The following FHIT variants were observed in gnomAD, a reference collection of about 807,000 sequenced individuals.
FHIT encodes fragile histidine triad diadenosine triphosphatase, also known as bis(5'-adenosyl)-triphosphatase.
A neutral mutation model predicts 17.9 loss-of-function variants in FHIT; 19 were observed. The ratio of observed to expected loss-of-function variants is 1.06; its 90% confidence interval spans 0.74 to 1.56. The LOEUF is 1.56. Ranked by LOEUF, FHIT falls within the 40% of genes most tolerant of loss-of-function variation. The pLI, the probability that FHIT is intolerant of heterozygous loss-of-function variation, is 0.00. For missense variants in FHIT, 248 were observed against 189.2 expected, an observed-to-expected ratio of 1.31 and a Z score of -1.82; for synonymous variants, 81 against 69.7, an observed-to-expected ratio of 1.16 and a Z score of -0.81.
chr3:60,167,427 C>A (rs932937448), intron 5 of FHIT, among the ~76,000 whole-genome samples: 3 of 152,182 alleles, frequency 2.0e-5, no homozygotes, highest in Non-Finnish European at 4.4e-5. Flanking sequence ...TACACACACA[C>A]ACATATTTGC....
intron 5 of FHIT, among the ~76,000 whole-genome samples, chr3:60,357,734 C>G (rs900614339): frequency 6.6e-6 from 1 of 152,152 alleles, no homozygotes; most frequent in Non-Finnish European, 1.5e-5. Context: ...TATTGATACA[C>G]ATATTTAACA....
At chr3:59,973,701 A>G (rs903898759) in intron 7 of FHIT, among the ~76,000 whole-genome samples, 9 of 152,114 alleles carry the variant, frequency 5.9e-5, no homozygotes, top group Admixed American at 3.3e-4. Flanking sequence ...TTTCATCCCC[A>G]TAAGTTCTGA....
At chr3:60,269,048 A>T (rs1706732492) in intron 5 of FHIT, among the ~76,000 whole-genome samples, 1 of 152,224 alleles carries the variant, frequency 6.6e-6, no homozygotes. Context: ...CCCTGCTGAC[A>T]TCTTGATTTT....
chr3:60,507,755 ATAAG>A (rs537202278), intron 5 of FHIT, among the ~76,000 whole-genome samples: 3 of 152,102 alleles, frequency 2.0e-5, no homozygotes, highest in Non-Finnish European at 4.4e-5. Context: ...ACTCCCACTT[ATAAG>A]TGAGAACATG....
rs566526760 is a variant in FHIT at position 60,135,840 on chromosome 3, A to T, written c.104-121688T>A. Among the ~76,000 whole-genome samples, 8 of 152,220 alleles carry T rather than the reference A, an allele frequency of 5.3e-5. No individual in the cohort carries two copies. The East Asian group carries it at 1.5e-3, about 29-fold the overall frequency. On this transcript the variant is annotated intron_variant, in intron 5 of 9. Transcript: ENST00000492590. ...AACAGAAGAATTTGGGGCAAAATGG[A>T]TTCTTAATGGTGTCTGTTTCCTACA...
At chr3:60,878,532 G>A (rs1192457266) in intron 3 of FHIT, among the ~76,000 whole-genome samples, 2 of 151,590 alleles carry the variant, frequency 1.3e-5, no homozygotes, top group African/African-American at 4.9e-5. Context: ...GGGTACATGT[G>A]CACAATGTGC....
chr3:59,915,260 T>G (rs1200322330), intron 8 of FHIT, among the ~76,000 whole-genome samples: 1 of 152,192 alleles, frequency 6.6e-6, no homozygotes. Flanking sequence ...AAAGCCTGAT[T>G]CGTGAAATAA....
intron 3 of FHIT, among the ~76,000 whole-genome samples, chr3:61,036,825 AG>A (rs2033262840): frequency 6.6e-6 from 1 of 151,778 alleles, no homozygotes; most frequent in African/African-American, 2.4e-5. Flanking sequence ...CAATTACCCG[AG>A]AGTTCTGGGC....
chr3:60,466,130 G>C (rs2734387), intron 5 of FHIT, among the ~76,000 whole-genome samples: 76,878 of 151,638 alleles, frequency 0.51, 22,140 homozygotes, highest in African/African-American at 0.78. Flanking sequence ...TTCCTAGGTA[G>C]TTGATTTGTA....
chr3:60,957,694 TTAAG>T (rs1271749160), intron 3 of FHIT, among the ~76,000 whole-genome samples: 10 of 152,226 alleles, frequency 6.6e-5, no homozygotes, highest in African/African-American at 1.2e-4. Flanking sequence ...AAGTCATAGC[TTAAG>T]TAAGTGTCAC....
intron 1 of FHIT, among the ~76,000 whole-genome samples, chr3:61,221,586 G>T (rs774142927): frequency 6.6e-6 from 1 of 152,156 alleles, no homozygotes; most frequent in Non-Finnish European, 1.5e-5. Context: ...GCTGAAACTG[G>T]TTATAAAGTT....
intron 2 of FHIT, among the ~76,000 whole-genome samples, chr3:61,117,867 G>A (rs1236210440): frequency 3.3e-5 from 5 of 152,192 alleles, no homozygotes; most frequent in Non-Finnish European, 5.9e-5. Context: ...CTGGCCCATA[G>A]TGAGAAGATA....
chr3:61,215,460 G>T (rs1560084851), intron 1 of FHIT, among the ~76,000 whole-genome samples: 1 of 152,134 alleles, frequency 6.6e-6, no homozygotes, highest in African/African-American at 2.4e-5. Flanking sequence ...CCTCTTCAAG[G>T]AGAACTACAA....
intron 3 of FHIT, among the ~76,000 whole-genome samples, chr3:60,875,981 A>T (rs1380855975): frequency 6.7e-6 from 1 of 150,290 alleles, no homozygotes; most frequent in Non-Finnish European, 1.5e-5. Context: ...ATAGATATTC[A>T]TTTACTTATA....
intron 5 of FHIT, among the ~76,000 whole-genome samples, chr3:60,346,059 C>G (rs573467622): frequency 1.3e-5 from 2 of 152,302 alleles, no homozygotes; most frequent in East Asian, 3.9e-4. Flanking sequence ...CCAAGGGCAA[C>G]TGGTTTAACG....
intron 3 of FHIT, among the ~76,000 whole-genome samples, chr3:61,041,445 G>A (rs1019121594): frequency 2.0e-5 from 3 of 151,478 alleles, no homozygotes; most frequent in Non-Finnish European, 2.9e-5. Context: ...AAGTCTGTGC[G>A]AGTCATCATT....
intron 4 of FHIT, among the ~76,000 whole-genome samples, chr3:60,656,929 A>G (rs1301415871): frequency 4.0e-5 from 6 of 151,874 alleles, no homozygotes; most frequent in Non-Finnish European, 5.9e-5. Flanking sequence ...AGAGTGCTAT[A>G]TGGTATGTGC....
At chr3:60,330,616 C>T (rs1319053537) in intron 5 of FHIT, among the ~76,000 whole-genome samples, 1 of 152,150 alleles carries the variant, frequency 6.6e-6, no homozygotes, top group Non-Finnish European at 1.5e-5. Context: ...CTCTAAAACA[C>T]CAAACCCGTT....
At chr3:60,492,038 T>C (rs144278480) in intron 5 of FHIT, among the ~76,000 whole-genome samples, 7 of 152,324 alleles carry the variant, frequency 4.6e-5, no homozygotes, top group Non-Finnish European at 1.0e-4. Flanking sequence ...AAAACTATCC[T>C]GGTGGAATGT....
Sources: allele counts gnomAD v4.1 joint callset (sites outside exome capture counted in the v4.1 genomes callset), GRCh38; gene constraint gnomAD v4.1.1; transcripts MANE v1.5; gene names NCBI Gene and HGNC (gene_info 2026-07-23, HGNC 2026-07-21).